Variants in MTOR observed in about 807,000 individuals in gnomAD.
The protein encoded by MTOR is serine/threonine-protein kinase mTOR.
MTOR carries 70 observed loss-of-function variants against 319.8 expected under a neutral mutation model. That is an observed-to-expected ratio of 0.22 (90% CI 0.18 to 0.27). The LOEUF (loss-of-function observed/expected upper bound fraction) is 0.27. Among genes scored for constraint, MTOR ranks in the 10% least tolerant of loss-of-function variants. The pLI, the probability that MTOR is intolerant of heterozygous loss-of-function variation, is 1.00. For missense variants in MTOR, 1,890 were observed against 3,274.4 expected (o/e 0.58, Z 10.32); for synonymous variants, 1,183 against 1,211.4 (o/e 0.98, Z 0.49).
chr1:11,212,942 G>T lies in MTOR; in HGVS notation c.3286-34C>A. On this transcript the variant is annotated intron_variant, in intron 21 of 57. Transcript: ENST00000361445. This position sits in a 1 kb window ranked among gnomAD's most constrained non-coding sequence, Gnocchi z 4.1. ...GGGAGCAAAAGCATGGTGATGAATA[G>T]TCAGGTCCCAAGTATCTAAGGACAC... 1 of 1,545,740 alleles carries T rather than the reference G, an allele frequency of 6.5e-7. No individual in the cohort carries two copies. The highest frequency in any genetic ancestry group is 8.9e-7 in the Non-Finnish European group (1 of 1,118,094).
intron 26 of MTOR, 120 bp downstream of exon 26, chr1:11,204,441 T>G: frequency 7.5e-7 from 1 of 1,328,330 alleles, no homozygotes; most frequent in Non-Finnish European, 1.0e-6. Context: ...TTTCTTTGTA[T>G]CCCACAAAAT....
At chr1:11,234,093 G>A (rs1331923831) in intron 14 of MTOR, 50 bp downstream of exon 14, 1 of 1,612,984 alleles carries the variant, frequency 6.2e-7, no homozygotes, top group Non-Finnish European at 8.5e-7. Context: ...CTCCCCATAT[G>A]AGCTGATGAC....
intron 47 of MTOR, among the ~76,000 whole-genome samples, chr1:11,122,786 C>T (rs543251981): frequency 2.6e-5 from 4 of 152,208 alleles, no homozygotes; most frequent in East Asian, 1.9e-4. Flanking sequence ...GGATTACAGG[C>T]GTGAGCCACC....
chr1:11,202,167 T>C (rs1645991452), intron 26 of MTOR, among the ~76,000 whole-genome samples: 2 of 152,152 alleles, frequency 1.3e-5, no homozygotes, highest in Non-Finnish European at 2.9e-5. Context: ...CAGTGGCTCA[T>C]GCCTGTAATC....
At chr1:11,250,537 C>T (rs188585064) in intron 6 of MTOR, among the ~76,000 whole-genome samples, 2 of 152,176 alleles carry the variant, frequency 1.3e-5, no homozygotes, top group African/African-American at 4.8e-5. Flanking sequence ...CCTGGCTGTT[C>T]CTTCCCCATC....
chr1:11,249,443 T>A (rs982313861), intron 6 of MTOR, among the ~76,000 whole-genome samples: 4 of 151,462 alleles, frequency 2.6e-5, no homozygotes, highest in Non-Finnish European at 5.9e-5. Context: ...TTTTTATTGA[T>A]CATTCTTGGG....
chr1:11,150,865 T>TG (rs1407056894), intron 30 of MTOR, among the ~76,000 whole-genome samples: 1 of 152,166 alleles, frequency 6.6e-6, no homozygotes, highest in Admixed American at 6.5e-5. Flanking sequence ...AATAGGGTCT[T>TG]GCTATTGACT....
chr1:11,109,565 T>G lies in MTOR; in HGVS notation c.7447+84A>C, dbSNP rs1302833706. 1 of 1,397,852 alleles carries G rather than the reference T, an allele frequency of 7.2e-7. No homozygotes were observed. Among genetic ancestry groups the G allele is most frequent in the Non-Finnish European group, 1.0e-6 (1 of 989,196 alleles). 86.6% of individuals were successfully genotyped at this position (1,397,852 alleles called of 1,614,324 possible). On this transcript the variant is annotated intron_variant, in intron 55 of 57. Transcript: ENST00000361445. This position sits in a 1 kb window ranked among gnomAD's most constrained non-coding sequence, Gnocchi z 4.0. The stretch of plus-strand genomic sequence containing the variant: ...CAAAGGCAGTTTTGTTGCTTCATCT[T>G]GTTGACCCCTCTCAGGGTATAACAC...
intron 28 of MTOR, chr1:11,192,323 G>C: frequency 1.1e-5 from 17 of 1,614,096 alleles, no homozygotes; most frequent in Non-Finnish European, 1.4e-5. Flanking sequence ...CATCTCTGGA[G>C]TGTATAAGCT....
At chr1:11,191,527 C>T (rs1645530574) in intron 28 of MTOR, among the ~76,000 whole-genome samples, 1 of 152,136 alleles carries the variant, frequency 6.6e-6, no homozygotes, top group Non-Finnish European at 1.5e-5. Flanking sequence ...GTAAGGGCCG[C>T]AGTCTCTGAA....
intron 4 of MTOR, among the ~76,000 whole-genome samples, chr1:11,256,644 T>C (rs1262488551): frequency 6.6e-6 from 1 of 152,192 alleles, no homozygotes; most frequent in East Asian, 1.9e-4. Context: ...AAGCCAAGAC[T>C]TGAGCCAGGG....
rs114261320 is a variant in MTOR, at chr1:11,180,362, G to A, written c.4254-12845C>T. ...CATACTTTCAAGCAGCACAATATTG[G>A]CACCCTGGAAACATGTGTTTAGAAT... On this transcript the variant is annotated intron_variant, in intron 28 of 57. Transcript: ENST00000361445. Among the ~76,000 whole-genome samples, 920 of 152,244 alleles carry A rather than the reference G, an allele frequency of 6.0e-3. 11 individuals are homozygous for A. Among genetic ancestry groups the A allele is most frequent in the African/African-American group, 0.021 (866 of 41,532 alleles).
intron 28 of MTOR, among the ~76,000 whole-genome samples, chr1:11,186,327 C>T (rs1401760523): frequency 2.6e-5 from 4 of 152,092 alleles, no homozygotes; most frequent in Admixed American, 2.0e-4. Flanking sequence ...GAAGGAGAGA[C>T]CACCCCTAGG....
intron 3 of MTOR, 149 bp from the exon 4 acceptor site, chr1:11,257,314 T>C (rs919194027): frequency 1.4e-5 from 9 of 655,542 alleles, no homozygotes; most frequent in Non-Finnish European, 2.1e-5. Context: ...GGCGGGCGGA[T>C]TGCCTGAGCT....
chr1:11,173,431 C>A (rs1644885753), intron 28 of MTOR, among the ~76,000 whole-genome samples: 3 of 151,988 alleles, frequency 2.0e-5, no homozygotes, highest in African/African-American at 7.2e-5. Flanking sequence ...CCTACACCAC[C>A]ACACACATTA....
At chr1:11,204,491 T>C in intron 26 of MTOR, 70 bp downstream of exon 26, 2 of 1,491,864 alleles carry the variant, frequency 1.3e-6, no homozygotes, top group East Asian at 2.3e-5. Flanking sequence ...TTATTACTTC[T>C]AATAAAAACT....
intron 20 of MTOR, among the ~76,000 whole-genome samples, chr1:11,215,401 T>C (rs1646436431): frequency 6.6e-6 from 1 of 152,178 alleles, no homozygotes; most frequent in Admixed American, 6.5e-5. Context: ...GGAAGTTCCA[T>C]TTGAAACCAG....
chr1:11,257,223 C>T (rs1650513424), intron 3 of MTOR, 58 bp from the exon 4 acceptor site: 7 of 1,448,484 alleles, frequency 4.8e-6, no homozygotes, highest in South Asian at 3.7e-5. Flanking sequence ...CAGGAAAGTA[C>T]GCAGACTTCA....
At position 11,204,331 on chromosome 1, in the gene MTOR, T is replaced by G. The variant is rs184442690; in HGVS notation, c.3944+230A>C. Among the ~76,000 whole-genome samples the G allele has an allele frequency of 1.1e-4, 16 of 152,322 alleles. No homozygotes were observed. In the East Asian group the frequency reaches 2.9e-3, roughly 27 times the overall value. On this transcript the variant is annotated intron_variant, in intron 26 of 57. Transcript: ENST00000361445. Reference sequence around the variant, plus strand: ...TTAGAGTTATAAATAACTTTGTAATTAAAATGTTAGACCTAAAGCTACTAG... The same window carrying G: ...TTAGAGTTATAAATAACTTTGTAATGAAAATGTTAGACCTAAAGCTACTAG...
Sources: gnomAD v4.1 joint callset for allele counts (sites outside exome capture counted in the v4.1 genomes callset) on GRCh38, gnomAD v4.1.1 for gene constraint, Gnocchi (gnomAD v3.1) non-coding constraint, MANE v1.5 for transcripts, NCBI Gene and HGNC (gene_info 2026-07-23, HGNC 2026-07-21) for gene names.